Variants in LRTM1 observed in about 807,000 individuals in gnomAD.
LRTM1 encodes the protein leucine rich repeat transmembrane protein 1.
Under a neutral mutation model 32.4 loss-of-function variants are expected in LRTM1, and 38 were observed. The observed-to-expected ratio is 1.17, with a 90% CI of 0.91 to 1.54. The LOEUF is 1.54. Ranked by LOEUF, LRTM1 falls within the 40% of genes most tolerant of loss-of-function variation. The pLI, the probability that LRTM1 is intolerant of heterozygous loss-of-function variation, is 0.00. For missense variants in LRTM1, 466 were observed against 415.4 expected (o/e 1.12, Z -1.06); for synonymous variants, 186 against 169.9 (o/e 1.09, Z -0.74).
At chr3:54,956,581 A>G (rs1030521296) in intron 1 of LRTM1, among the ~76,000 whole-genome samples, 3 of 152,088 alleles carry the variant, frequency 2.0e-5, no homozygotes, top group South Asian at 2.1e-4. Context: ...TCCCTCTTCA[A>G]CTGGTCTTAG....
chr3:54,959,271 G>T (rs544840158), intron 1 of LRTM1, among the ~76,000 whole-genome samples: 2 of 152,294 alleles, frequency 1.3e-5, no homozygotes, highest in East Asian at 3.9e-4. Context: ...ACAGTTCCCT[G>T]TCAGCTCTGG....
At chr3:54,944,165 T>G (rs1320053639) in intron 1 of LRTM1, among the ~76,000 whole-genome samples, 1 of 152,190 alleles carries the variant, frequency 6.6e-6, no homozygotes, top group African/African-American at 2.4e-5. Context: ...CTAGAAGCTT[T>G]CTGCATGTTC....
At chr3:54,928,636 A>G (rs1422503798), upstream of LRTM1, among the ~76,000 whole-genome samples, 1 of 152,072 alleles carries the variant, frequency 6.6e-6, no homozygotes, top group Non-Finnish European at 1.5e-5. Flanking sequence ...GGACATCACA[A>G]CCTTCCTTCT....
rs1183926534 is a variant in LRTM1, at chr3:54,925,038, A to T, written c.185T>A (p.Ile62Lys). The change falls in exon 2 of 3, where the codon ATA becomes AAA. Residue 62 changes from isoleucine (I) to lysine (K), a missense_variant. Ile to Lys is a moderately radical substitution (Grantham distance 102). Transcript: ENST00000273286. ...TRTLHLQDNQ[I>K]HHLPAFAFRS... is the part of the protein sequence containing the mutation. ...AAATGCAAAAGCAGGAAGATGGTGT[A>T]TCTGATTATCTTGTAAATGCAGCGT... 1 of 1,614,012 alleles carries T rather than the reference A, an allele frequency of 6.2e-7. No homozygotes were observed. The highest frequency in any genetic ancestry group is 8.5e-7 in the Non-Finnish European group (1 of 1,180,008).
intron 1 of LRTM1, among the ~76,000 whole-genome samples, chr3:54,936,612 A>G (rs1293166859): frequency 2.6e-5 from 4 of 152,124 alleles, no homozygotes; most frequent in Admixed American, 6.5e-5. Context: ...TTTTAATTCA[A>G]AAATCCCATA....
At chr3:54,927,390 A>C (rs1395625171) in intron 1 of LRTM1, among the ~76,000 whole-genome samples, 1 of 152,262 alleles carries the variant, frequency 6.6e-6, no homozygotes, top group East Asian at 1.9e-4. Context: ...TAATTTTGCA[A>C]ATAATCTAAA....
Position 54,924,665 on chromosome 3 carries a change from G to T in LRTM1, c.558C>A (p.Cys186Ter). 1.2e-6 allele frequency: 2 copies of T among 1,614,080 alleles called. No individual in the cohort carries two copies. The highest frequency in any genetic ancestry group is 1.7e-6 in the Non-Finnish European group (2 of 1,180,008). Residue 186 changes from cysteine (C) to a stop codon, truncating the protein, a stop_gained, in exon 2 of 3, where the codon TGC becomes TGA. Coordinates refer to ENST00000273286, the MANE Select transcript of LRTM1 (RefSeq NM_020678.4). LOFTEE classifies it high-confidence loss of function. ...LLKDNLWKCN[C>*]HLLGLKLWLE... ...GCCAGAGTTTAAGACCGAGCAAGTG[G>T]CAATTGCATTTCCAGAGGTTGTCCT...
At chr3:54,919,790 T>A (rs1315319571) in intron 2 of LRTM1, among the ~76,000 whole-genome samples, 1 of 152,234 alleles carries the variant, frequency 6.6e-6, no homozygotes, top group Non-Finnish European at 1.5e-5. Context: ...GTTAGATAAG[T>A]CCTAATACTC....
chr3:54,921,594 T>G (rs1700852735), intron 2 of LRTM1, among the ~76,000 whole-genome samples: 1 of 152,180 alleles, frequency 6.6e-6, no homozygotes, highest in Non-Finnish European at 1.5e-5. Context: ...TGTGATTGAA[T>G]TCTGGACAAT....
At chr3:54,930,192 A>G (rs1701149014), upstream of LRTM1, among the ~76,000 whole-genome samples, 1 of 152,176 alleles carries the variant, frequency 6.6e-6, no homozygotes, top group Admixed American at 6.5e-5. Context: ...AACTCTGGTT[A>G]TCCCATCCTC....
At chr3:54,945,318 G>C (rs1701584937) in intron 1 of LRTM1, among the ~76,000 whole-genome samples, 1 of 152,208 alleles carries the variant, frequency 6.6e-6, no homozygotes, top group African/African-American at 2.4e-5. Flanking sequence ...GAATTGCCAG[G>C]GGATCTGGCT....
intron 1 of LRTM1, among the ~76,000 whole-genome samples, chr3:54,951,435 A>T (rs1012943257): frequency 1.3e-5 from 2 of 152,208 alleles, no homozygotes; most frequent in Non-Finnish European, 2.9e-5. Context: ...ACCATTAGGG[A>T]CATGGAACTG....
intron 1 of LRTM1, among the ~76,000 whole-genome samples, chr3:54,960,347 C>T (rs188840007): frequency 7.2e-5 from 11 of 152,274 alleles, no homozygotes; most frequent in Admixed American, 7.2e-4. Flanking sequence ...TTACCAACCC[C>T]CCATACCACA....
At chr3:54,931,663 A>G (rs746457579), upstream of LRTM1, among the ~76,000 whole-genome samples, 3 of 152,228 alleles carry the variant, frequency 2.0e-5, no homozygotes, top group Non-Finnish European at 2.9e-5. Flanking sequence ...CCCGTAGAGT[A>G]AAATTGTGTT....
rs1480111980 is a variant in LRTM1 at position 54,942,126 on chromosome 3, C to A, written c.-221-16911G>T. ...CTAGAGCCTGGCAATCCTTTGTTAC[C>A]TTAGCCATGGCATCCCAGAGCATCT... On this transcript the variant is annotated intron_variant, in intron 1 of 2. Transcript: ENST00000493075. Among the ~76,000 whole-genome samples, 5 of 152,232 alleles carry A rather than the reference C, an allele frequency of 3.3e-5. No homozygotes were observed. In the East Asian group the frequency reaches 9.6e-4, roughly 29 times the overall value.
At chr3:54,927,854 C>T in intron 1 of LRTM1, 51 bp downstream of exon 1, 2 of 1,601,114 alleles carry the variant, frequency 1.2e-6, no homozygotes, top group Non-Finnish European at 1.7e-6. Context: ...GAGGGGATAC[C>T]ATCTTTCTCC....
intron 1 of LRTM1, among the ~76,000 whole-genome samples, chr3:54,937,425 G>T (rs1701358645): frequency 6.6e-6 from 1 of 152,150 alleles, no homozygotes; most frequent in Non-Finnish European, 1.5e-5. Context: ...CCTGCAACTG[G>T]CCCTGTGGAA....
At chr3:54,945,624 T>C (rs542558846) in intron 1 of LRTM1, among the ~76,000 whole-genome samples, 3 of 152,350 alleles carry the variant, frequency 2.0e-5, no homozygotes, top group South Asian at 4.1e-4. Flanking sequence ...TCAGTGCCTC[T>C]CAGCCCACCC....
At chr3:54,955,708 C>A (rs1701871746) in intron 1 of LRTM1, among the ~76,000 whole-genome samples, 1 of 152,082 alleles carries the variant, frequency 6.6e-6, no homozygotes. Flanking sequence ...CTGGCTCTCC[C>A]CTGAGGCCTC....
Sources: allele counts gnomAD v4.1 joint callset (sites outside exome capture counted in the v4.1 genomes callset), GRCh38; gene constraint gnomAD v4.1.1; transcripts MANE v1.5; gene names NCBI Gene and HGNC (gene_info 2026-07-23, HGNC 2026-07-21).